THSD7B: variants seen among roughly 807,000 people sequenced by gnomAD.
THSD7B encodes the protein thrombospondin type-1 domain-containing protein 7B.
THSD7B carries 138 observed loss-of-function variants against 213.6 expected under a neutral mutation model. The ratio of observed to expected loss-of-function variants is 0.65; its 90% CI spans 0.56 to 0.74. The LOEUF (loss-of-function observed/expected upper bound fraction) is 0.74, where lower values mean the gene tolerates loss of function less well. Ranked by LOEUF, THSD7B falls within the 30% of genes least tolerant of loss-of-function variation. The probability of loss-of-function intolerance (pLI) is 0.00; values close to 1 mark genes in which losing one functional copy is unlikely to be tolerated. For synonymous variants in THSD7B, 742 were observed against 687.0 expected, an observed-to-expected ratio of 1.08 and a Z score of -1.25; for missense variants, 1,931 against 1,991.5, an observed-to-expected ratio of 0.97 and a Z score of 0.58.
chr2:137,666,324 C>A (rs1683445800), intron 26 of THSD7B, among the ~76,000 whole-genome samples: 1 of 151,892 alleles, frequency 6.6e-6, no homozygotes, highest in African/African-American at 2.4e-5. Flanking sequence ...GCCATTTCAT[C>A]ATTAGTGTTT....
At chr2:136,988,610 C>T (rs911386794) in intron 2 of THSD7B, among the ~76,000 whole-genome samples, 2 of 152,214 alleles carry the variant, frequency 1.3e-5, no homozygotes, top group African/African-American at 2.4e-5. Flanking sequence ...ACTTTGTCCT[C>T]ACCCTCTGAA....
chr2:137,263,710 A>C (rs926534416), intron 10 of THSD7B, among the ~76,000 whole-genome samples: 2 of 152,178 alleles, frequency 1.3e-5, no homozygotes, highest in African/African-American at 4.8e-5. Context: ...CTCAGTGTTC[A>C]TTTTGAAGTA....
At chr2:137,568,394 G>C (rs572219641) in intron 16 of THSD7B, among the ~76,000 whole-genome samples, 5 of 152,214 alleles carry the variant, frequency 3.3e-5, no homozygotes, top group African/African-American at 1.2e-4. Context: ...ATATTTTGAA[G>C]TCTTTACTCT....
intron 6 of THSD7B, among the ~76,000 whole-genome samples, chr2:137,169,870 A>G (rs1178322762): frequency 6.6e-6 from 1 of 152,164 alleles, no homozygotes; most frequent in Non-Finnish European, 1.5e-5. Flanking sequence ...TTAAAAATAG[A>G]GGGATTTCTG....
intron 3 of THSD7B, among the ~76,000 whole-genome samples, chr2:137,061,764 G>GT (rs1194294231): frequency 6.6e-6 from 1 of 151,734 alleles, no homozygotes; most frequent in African/African-American, 2.4e-5. Context: ...TGACTTGCTA[G>GT]TATTTTATTG....
At chr2:137,024,843 C>T (rs1001999788) in intron 2 of THSD7B, among the ~76,000 whole-genome samples, 2 of 152,146 alleles carry the variant, frequency 1.3e-5, no homozygotes, top group African/African-American at 4.8e-5. Context: ...GCCTTGCTGA[C>T]AATATCTTAT....
At chr2:137,403,714 A>C (rs1353502854) in intron 12 of THSD7B, among the ~76,000 whole-genome samples, 2 of 152,226 alleles carry the variant, frequency 1.3e-5, no homozygotes, top group Non-Finnish European at 2.9e-5. Flanking sequence ...GTACCATGGA[A>C]TCTGTGTATT....
intron 27 of THSD7B, among the ~76,000 whole-genome samples, chr2:137,675,336 A>G (rs889235232): frequency 2.7e-5 from 4 of 150,190 alleles, no homozygotes; most frequent in African/African-American, 9.8e-5. Flanking sequence ...AGATTCACTC[A>G]GAATACAAAA....
At chr2:137,306,546 G>T (rs761295722) in intron 12 of THSD7B, among the ~76,000 whole-genome samples, 3 of 151,970 alleles carry the variant, frequency 2.0e-5, no homozygotes, top group Admixed American at 2.0e-4. Context: ...GTCATTTATT[G>T]TGATAAGATA....
intron 18 of THSD7B, among the ~76,000 whole-genome samples, chr2:137,616,739 A>G (rs1056548131): frequency 1.3e-5 from 2 of 152,192 alleles, no homozygotes; most frequent in African/African-American, 2.4e-5. Flanking sequence ...GGGTCTGAAT[A>G]AGAATGAATG....
At chr2:136,901,782 T>C (rs1684067405) in intron 2 of THSD7B, among the ~76,000 whole-genome samples, 2 of 152,226 alleles carry the variant, frequency 1.3e-5, no homozygotes, top group Non-Finnish European at 2.9e-5. Flanking sequence ...TAAAAACTTT[T>C]CCTTGAAAAA....
chr2:137,629,150 G>A (rs989278699), intron 20 of THSD7B, among the ~76,000 whole-genome samples: 1 of 152,092 alleles, frequency 6.6e-6, no homozygotes, highest in African/African-American at 2.4e-5. Flanking sequence ...AGTTGAAAGG[G>A]GAAGAGCTTG....
chr2:136,816,809 G>C (rs1682481483), intron 1 of THSD7B, among the ~76,000 whole-genome samples: 1 of 152,078 alleles, frequency 6.6e-6, no homozygotes, highest in Admixed American at 6.5e-5. Flanking sequence ...ATAATCTTTT[G>C]AATATTATAC....
At chr2:137,379,937 T>C (rs1406026825) in intron 12 of THSD7B, among the ~76,000 whole-genome samples, 1 of 152,178 alleles carries the variant, frequency 6.6e-6, no homozygotes, top group Non-Finnish European at 1.5e-5. Context: ...GCCCAAATAA[T>C]AGATGCACAG....
chr2:137,565,698 G>C (rs767214623), intron 16 of THSD7B, among the ~76,000 whole-genome samples: 1 of 152,106 alleles, frequency 6.6e-6, no homozygotes, highest in Non-Finnish European at 1.5e-5. Context: ...TTCTGGCGAG[G>C]GCTTTTTGTA....
chr2:136,778,302 G>A (rs2104903971), intron 1 of THSD7B, among the ~76,000 whole-genome samples: 1 of 152,258 alleles, frequency 6.6e-6, no homozygotes, highest in South Asian at 2.1e-4. Context: ...TGCTTCTATA[G>A]TTTCCTTCAA....
intron 15 of THSD7B, among the ~76,000 whole-genome samples, chr2:137,477,952 A>G (rs556261701): frequency 1.3e-5 from 2 of 152,040 alleles, no homozygotes; most frequent in South Asian, 4.2e-4. Flanking sequence ...GGAATATGCT[A>G]TTAGTCTAAT....
intron 1 of THSD7B, among the ~76,000 whole-genome samples, chr2:136,800,525 C>T (rs1682157612): frequency 6.6e-6 from 1 of 151,974 alleles, no homozygotes; most frequent in Non-Finnish European, 1.5e-5. Flanking sequence ...TTAAAACGGG[C>T]AACCAATAGA....
chr2:136,858,432 G>A (rs184860329), intron 1 of THSD7B, among the ~76,000 whole-genome samples: 3 of 152,150 alleles, frequency 2.0e-5, no homozygotes, highest in African/African-American at 7.2e-5. Context: ...CACAATATAA[G>A]GCTAATGGTC....
Sources: gnomAD v4.1 joint callset for allele counts (sites outside exome capture counted in the v4.1 genomes callset) on GRCh38, gnomAD v4.1.1 for gene constraint, MANE v1.5 for transcripts, NCBI Gene and HGNC (gene_info 2026-07-23, HGNC 2026-07-21) for gene names.